CNTNAP3B: variants seen among roughly 807,000 people sequenced by gnomAD.
CNTNAP3B encodes contactin-associated protein-like 3B.
CNTNAP3B carries 25 observed loss-of-function variants against 108.9 expected under a neutral mutation model. The observed-to-expected ratio is 0.23, with a 90% CI of 0.17 to 0.32. The LOEUF is 0.32. Among genes scored for constraint, CNTNAP3B ranks in the 10% least tolerant of loss-of-function variants. The pLI is 1.00. For synonymous variants in CNTNAP3B, 103 were observed against 473.4 expected, an observed-to-expected ratio of 0.22 and a Z score of 10.16; for missense variants, 252 against 1,210.4, an observed-to-expected ratio of 0.21 and a Z score of 11.75.
At chr9:42,098,459 T>C (rs1827955478) in intron 2 of CNTNAP3B, among the ~76,000 whole-genome samples, 1 of 110,586 alleles carries the variant, frequency 9.0e-6, no homozygotes, top group Non-Finnish European at 1.8e-5. Flanking sequence ...GGTGGGTGCC[T>C]GTAGTCCCAG....
chr9:42,031,033 G>A (rs1826515862), intron 3 of CNTNAP3B, among the ~76,000 whole-genome samples: 1 of 100,766 alleles, frequency 9.9e-6, no homozygotes, highest in Admixed American at 1.0e-4. Context: ...CTCCAGGTTT[G>A]AGTCTCTTTA....
intron 13 of CNTNAP3B, among the ~76,000 whole-genome samples, chr9:41,952,162 C>T (rs535149474): frequency 4.5e-4 from 69 of 152,356 alleles, no homozygotes; most frequent in African/African-American, 1.5e-3. Flanking sequence ...AGTGGATCAG[C>T]GCAAACCACC....
chr9:41,894,450 G>A (rs1823385160), intron 23 of CNTNAP3B, among the ~76,000 whole-genome samples: 1 of 51,856 alleles, frequency 1.9e-5, no homozygotes, highest in East Asian at 3.8e-4. Context: ...TATAAATGGT[G>A]ACTTTTGGTC....
At chr9:41,939,644 A>G (rs2118073739) in intron 13 of CNTNAP3B, among the ~76,000 whole-genome samples, 1 of 152,414 alleles carries the variant, frequency 6.6e-6, no homozygotes, top group East Asian at 1.9e-4. Flanking sequence ...TCGGAATGCC[A>G]CTTTAAAAGT....
At chr9:41,936,080 T>G (rs1409081119) in intron 14 of CNTNAP3B, among the ~76,000 whole-genome samples, 3 of 152,264 alleles carry the variant, frequency 2.0e-5, no homozygotes, top group Non-Finnish European at 4.4e-5. Context: ...AAAAAAACAG[T>G]TGACCAGCCT....
intron 15 of CNTNAP3B, among the ~76,000 whole-genome samples, chr9:41,925,517 C>T (rs1379601485): frequency 2.6e-5 from 4 of 152,270 alleles, no homozygotes; most frequent in East Asian, 1.9e-4. Context: ...GACGTGAACC[C>T]GGGAGGCGGA....
chr9:42,001,424 C>G (rs1826003179), intron 4 of CNTNAP3B, among the ~76,000 whole-genome samples: 1 of 135,216 alleles, frequency 7.4e-6, no homozygotes, highest in Admixed American at 7.4e-5. Context: ...AAGAAAAAAA[C>G]AGTTCTACCT....
chr9:42,121,736 A>C (rs1445754598), intron 1 of CNTNAP3B, among the ~76,000 whole-genome samples: 1 of 140,082 alleles, frequency 7.1e-6, no homozygotes, highest in Non-Finnish European at 1.5e-5. Context: ...TTGCTTATCT[A>C]TAGGTAAGAG....
intron 3 of CNTNAP3B, among the ~76,000 whole-genome samples, chr9:42,047,663 C>T (rs1292682564): frequency 1.6e-4 from 2 of 12,436 alleles, no homozygotes; most frequent in African/African-American, 3.6e-4. Context: ...CCCCTCCCCC[C>T]TTCTGCCCCT....
At chr9:42,115,430 A>G (rs1219572129) in intron 1 of CNTNAP3B, among the ~76,000 whole-genome samples, 3 of 138,048 alleles carry the variant, frequency 2.2e-5, no homozygotes, top group Admixed American at 7.2e-5. Context: ...TGGGTCCCTG[A>G]CCCCTGCGTA....
chr9:41,964,799 T>G (rs1825218764), intron 10 of CNTNAP3B, among the ~76,000 whole-genome samples, 155 bp from the exon 11 acceptor site: 1 of 152,268 alleles, frequency 6.6e-6, no homozygotes, highest in Non-Finnish European at 1.5e-5. Context: ...CTAATTATAT[T>G]GACAAACTTT....
intron 3 of CNTNAP3B, among the ~76,000 whole-genome samples, chr9:42,075,845 A>ATTATTC (rs1827476046): frequency 4.3e-5 from 4 of 93,570 alleles, no homozygotes; most frequent in East Asian, 5.8e-4. Context: ...ACTTATTATT[A>ATTATTC]TTATTATTAT....
At chr9:42,106,401 A>T (rs1489346047) in intron 1 of CNTNAP3B, among the ~76,000 whole-genome samples, 1 of 92,818 alleles carries the variant, frequency 1.1e-5, no homozygotes. Context: ...AGAGCAGCAT[A>T]ATCTAGCTAA....
At chr9:42,024,818 C>A (rs1423652751) in intron 3 of CNTNAP3B, among the ~76,000 whole-genome samples, 2 of 145,112 alleles carry the variant, frequency 1.4e-5, no homozygotes, top group Non-Finnish European at 3.0e-5. Flanking sequence ...TATTTCTCAT[C>A]CAGTTTCTCA....
At chr9:41,953,121 C>T (rs1396816694) in intron 13 of CNTNAP3B, 62 bp downstream of exon 13, 1 of 1,442,706 alleles carries the variant, frequency 6.9e-7, no homozygotes, top group Non-Finnish European at 9.1e-7. Flanking sequence ...AAAGGCATCT[C>T]GCAGCCCGAG....
At chr9:41,944,879 G>A (rs199547580) in intron 13 of CNTNAP3B, among the ~76,000 whole-genome samples, 854 of 151,918 alleles carry the variant, frequency 5.6e-3, no homozygotes, top group South Asian at 0.027. Flanking sequence ...ATCTGACAAA[G>A]GGCTAATATC....
intron 3 of CNTNAP3B, among the ~76,000 whole-genome samples, chr9:42,036,055 C>G (rs1416963192): frequency 6.7e-6 from 1 of 148,976 alleles, no homozygotes; most frequent in Non-Finnish European, 1.5e-5. Context: ...TTGCGGTGAG[C>G]CAAGATCGCA....
chr9:41,925,199 G>T (rs1203492349), intron 15 of CNTNAP3B, among the ~76,000 whole-genome samples: 1 of 148,030 alleles, frequency 6.8e-6, no homozygotes, highest in Non-Finnish European at 1.5e-5. Flanking sequence ...ACAATATATT[G>T]ATGGCTCCTG....
intron 2 of CNTNAP3B, among the ~76,000 whole-genome samples, chr9:42,085,472 A>T (rs1827685005): frequency 7.2e-6 from 1 of 139,722 alleles, no homozygotes; most frequent in South Asian, 2.3e-4. Context: ...TCTTCCCTAC[A>T]TTTTTTCATT....
Sources: gnomAD v4.1 joint callset for allele counts (sites outside exome capture counted in the v4.1 genomes callset) on GRCh38, gnomAD v4.1.1 for gene constraint, MANE v1.5 for transcripts, NCBI Gene and HGNC (gene_info 2026-07-23, HGNC 2026-07-21) for gene names.